Variants in SNX18 observed in about 807,000 individuals in gnomAD.
The protein encoded by SNX18 is sorting nexin 18.
In SNX18, 35 loss-of-function variants were observed where a neutral mutation model predicts 48.7. The ratio of observed to expected loss-of-function variants is 0.72; its 90% CI spans 0.55 to 0.95. SNX18 has a LOEUF of 0.95. Ranked by LOEUF, SNX18 falls within the 40% of genes least tolerant of loss-of-function variation. The pLI is 0.00. For missense variants in SNX18, 824 were observed against 871.0 expected (o/e 0.95, Z 0.68); for synonymous variants, 492 against 384.7 (o/e 1.28, Z -3.26).
intron 1 of SNX18, among the ~76,000 whole-genome samples, chr5:54,532,704 A>G (rs1334103191): frequency 6.6e-6 from 1 of 152,172 alleles, no homozygotes; most frequent in Non-Finnish European, 1.5e-5. Context: ...CTATCACCCT[A>G]GTAATTTTAT....
At chr5:54,579,773 T>A in the SNX18 span, among the ~76,000 whole-genome samples, 18,492 of 152,218 alleles carry the variant, frequency 0.12, 1,287 homozygotes, top group African/African-American at 0.2. Context: ...TCCCAAGAGG[T>A]TAGGCATAGC....
At chr5:54,640,761 TA>T in the SNX18 span, among the ~76,000 whole-genome samples, 218 of 149,370 alleles carry the variant, frequency 1.5e-3, no homozygotes, top group Non-Finnish European at 1.8e-3. Context: ...ATCAGGTTGA[TA>T]AAAAAAAAAT....
the SNX18 span, among the ~76,000 whole-genome samples, chr5:54,587,986 AC>A: frequency 6.6e-6 from 1 of 152,096 alleles, no homozygotes; most frequent in African/African-American, 2.4e-5. Flanking sequence ...GAAGGTGTAC[AC>A]CCCTTTTGCC....
At chr5:54,588,116 C>T in the SNX18 span, among the ~76,000 whole-genome samples, 1 of 151,950 alleles carries the variant, frequency 6.6e-6, no homozygotes, top group Non-Finnish European at 1.5e-5. Flanking sequence ...CAGAAGTTCC[C>T]AAACACTCTC....
chr5:54,518,006 G>A lies in SNX18; in HGVS notation c.54G>A (p.Glu18=). The A allele has an allele frequency of 1.3e-6, 2 of 1,546,800 alleles. No individual in the cohort carries two copies. The highest frequency in any genetic ancestry group is 1.7e-6 in the Non-Finnish European group (2 of 1,148,904). ...LYDFRSENPG[E]ISLREHEVLS... ...ACTTCAGGTCGGAGAACCCAGGAGAGATCTCGCTGCGAGAGCACGAGGTGC... is the reference window on the plus strand; with the variant it reads ...ACTTCAGGTCGGAGAACCCAGGAGAAATCTCGCTGCGAGAGCACGAGGTGC... Residue 18 remains glutamate (E), a synonymous_variant, in exon 1 of 2, where the codon GAG becomes GAA. Coordinates refer to ENST00000381410, the MANE Select transcript of SNX18 (RefSeq NM_001102575.2).
the SNX18 span, among the ~76,000 whole-genome samples, chr5:54,562,058 T>C: frequency 6.6e-6 from 1 of 152,266 alleles, no homozygotes; most frequent in African/African-American, 2.4e-5. Flanking sequence ...TGAAGTATTC[T>C]AATAACATTC....
the SNX18 span, among the ~76,000 whole-genome samples, chr5:54,599,627 C>A: frequency 1.3e-5 from 2 of 152,084 alleles, no homozygotes; most frequent in Non-Finnish European, 2.9e-5. Flanking sequence ...GGTACTGGTA[C>A]AAAAACAGAC....
the SNX18 span, among the ~76,000 whole-genome samples, chr5:54,617,792 C>G: frequency 6.6e-6 from 1 of 152,006 alleles, no homozygotes; most frequent in Non-Finnish European, 1.5e-5. Context: ...CAACTCCTGG[C>G]TTCAAGCAAT....
chr5:54,590,241 A>T, the SNX18 span, among the ~76,000 whole-genome samples: 64 of 152,352 alleles, frequency 4.2e-4, no homozygotes, highest in African/African-American at 1.5e-3. Context: ...TAGTAAGGCC[A>T]AAAGGAGTAT....
the SNX18 span, among the ~76,000 whole-genome samples, chr5:54,562,948 T>C: frequency 6.6e-6 from 1 of 152,192 alleles, no homozygotes; most frequent in Non-Finnish European, 1.5e-5. Flanking sequence ...CAGGCTAATG[T>C]GTGTTTGTGT....
At chr5:54,536,756 G>T (rs1021886443) in intron 1 of SNX18, among the ~76,000 whole-genome samples, 2 of 152,194 alleles carry the variant, frequency 1.3e-5, no homozygotes, top group African/African-American at 4.8e-5. Flanking sequence ...GTAATGGGAT[G>T]GCTGGGTCAA....
the SNX18 span, among the ~76,000 whole-genome samples, chr5:54,554,604 T>C: frequency 5.2e-5 from 8 of 152,384 alleles, no homozygotes; most frequent in Admixed American, 4.6e-4. Context: ...TAATGAACTA[T>C]GAATTAATGT....
chr5:54,527,622 C>G (rs1164374020), intron 1 of SNX18, among the ~76,000 whole-genome samples: 3 of 152,234 alleles, frequency 2.0e-5, no homozygotes, highest in Non-Finnish European at 2.9e-5. Flanking sequence ...CAAGCACTTT[C>G]TAGCTTCAGG....
At chr5:54,528,759 G>T (rs1762194116) in intron 1 of SNX18, among the ~76,000 whole-genome samples, 1 of 152,152 alleles carries the variant, frequency 6.6e-6, no homozygotes, top group Admixed American at 6.5e-5. Flanking sequence ...GGTGGCTTCT[G>T]CCAGTCTCAG....
intron 1 of SNX18, among the ~76,000 whole-genome samples, chr5:54,528,157 C>G (rs923252455): frequency 1.3e-5 from 2 of 152,104 alleles, no homozygotes; most frequent in African/African-American, 2.4e-5. Context: ...CACACACACA[C>G]ACACACACAT....
chr5:54,589,035 G>C, the SNX18 span, among the ~76,000 whole-genome samples: 9 of 152,232 alleles, frequency 5.9e-5, no homozygotes, highest in South Asian at 1.7e-3. Flanking sequence ...TGATTTCAGA[G>C]CTTTAAGAGC....
the SNX18 span, among the ~76,000 whole-genome samples, chr5:54,640,778 G>A: frequency 6.6e-6 from 1 of 152,072 alleles, no homozygotes. Flanking sequence ...AAAATCAGGA[G>A]GCTGGGTGTG....
the SNX18 span, among the ~76,000 whole-genome samples, chr5:54,565,791 G>A: frequency 7.2e-5 from 11 of 152,278 alleles, no homozygotes; most frequent in African/African-American, 2.4e-4. Flanking sequence ...TGGATAGGGC[G>A]AGGGGTAAAT....
At chr5:54,555,240 G>T in the SNX18 span, among the ~76,000 whole-genome samples, 34 of 152,304 alleles carry the variant, frequency 2.2e-4, 1 homozygote, top group Non-Finnish European at 4.7e-4. Context: ...TGTACCCGGG[G>T]TACCCGATGC....
Sources: allele counts gnomAD v4.1 joint callset (sites outside exome capture counted in the v4.1 genomes callset), GRCh38; gene constraint gnomAD v4.1.1; transcripts MANE v1.5; gene names NCBI Gene and HGNC (gene_info 2026-07-23, HGNC 2026-07-21).